GABRB2: variants seen among roughly 807,000 people sequenced by gnomAD.
The protein encoded by GABRB2 is gamma-aminobutyric acid receptor subunit beta-2.
Under a neutral mutation model 54.7 loss-of-function variants are expected in GABRB2, and 16 were observed. That is an observed-to-expected ratio of 0.29 (90% CI 0.20 to 0.44). The LOEUF (loss-of-function observed/expected upper bound fraction) is 0.44. Among genes scored for constraint, GABRB2 ranks in the 20% least tolerant of loss-of-function variants. GABRB2 has a pLI of 1.00. For synonymous variants in GABRB2, 244 were observed against 233.8 expected, an observed-to-expected ratio of 1.04 and a Z score of -0.40; for missense variants, 355 against 644.0, an observed-to-expected ratio of 0.55 and a Z score of 4.86.
chr5:161,536,046 A>T (rs775382468), intron 3 of GABRB2, among the ~76,000 whole-genome samples: 15 of 152,086 alleles, frequency 9.9e-5, no homozygotes, highest in Non-Finnish European at 2.1e-4. Context: ...CCTGATGAGG[A>T]CCTCACCAGA....
chr5:161,348,709 A>G (rs1237590631), intron 5 of GABRB2, among the ~76,000 whole-genome samples: 2 of 152,148 alleles, frequency 1.3e-5, no homozygotes, highest in Non-Finnish European at 2.9e-5. Context: ...ATTACCAAAA[A>G]GTAGCCAACT....
At chr5:161,371,904 T>A (rs1755143770) in intron 5 of GABRB2, among the ~76,000 whole-genome samples, 1 of 151,992 alleles carries the variant, frequency 6.6e-6, no homozygotes, top group South Asian at 2.1e-4. Flanking sequence ...TTTTTATTTT[T>A]ATTTTTGTAG....
chr5:161,372,083 C>A (rs901727651), intron 5 of GABRB2, among the ~76,000 whole-genome samples: 2 of 152,020 alleles, frequency 1.3e-5, no homozygotes, highest in African/African-American at 4.8e-5. Flanking sequence ...CGATTAAATC[C>A]TTTTTCATTT....
chr5:161,341,059 C>A (rs1754140686), intron 5 of GABRB2, among the ~76,000 whole-genome samples: 1 of 151,986 alleles, frequency 6.6e-6, no homozygotes, highest in African/African-American at 2.4e-5. Context: ...GTTGCTATTG[C>A]ATCATTGGTT....
chr5:161,486,851 A>G (rs894107197), intron 3 of GABRB2, among the ~76,000 whole-genome samples: 18 of 152,020 alleles, frequency 1.2e-4, no homozygotes, highest in African/African-American at 4.1e-4. Flanking sequence ...ACTACCTCAG[A>G]CAAAGAATTT....
intron 4 of GABRB2, among the ~76,000 whole-genome samples, chr5:161,449,395 G>T (rs758672764): frequency 7.9e-5 from 12 of 152,230 alleles, no homozygotes; most frequent in Non-Finnish European, 1.5e-4. Context: ...ATTTGCATTT[G>T]CTTTGAATGT....
At chr5:161,539,242 G>T (rs762305151) in intron 3 of GABRB2, among the ~76,000 whole-genome samples, 1 of 152,154 alleles carries the variant, frequency 6.6e-6, no homozygotes, top group Non-Finnish European at 1.5e-5. Context: ...TTAACAAAAA[G>T]ATTCCTGCCA....
At chr5:161,460,342 G>GTTTA (rs1758086014) in intron 3 of GABRB2, among the ~76,000 whole-genome samples, 1 of 152,056 alleles carries the variant, frequency 6.6e-6, no homozygotes, top group African/African-American at 2.4e-5. Context: ...TTCACATATA[G>GTTTA]AGGCAAATAC....
intron 3 of GABRB2, among the ~76,000 whole-genome samples, chr5:161,523,221 G>A (rs977734461): frequency 6.6e-6 from 1 of 151,430 alleles, no homozygotes; most frequent in African/African-American, 2.4e-5. Context: ...TGCTACCAAT[G>A]TTTATAAACA....
intron 7 of GABRB2, among the ~76,000 whole-genome samples, chr5:161,332,761 A>G (rs1055937437): frequency 6.6e-6 from 1 of 152,154 alleles, no homozygotes; most frequent in African/African-American, 2.4e-5. Context: ...TTGGGGGGAC[A>G]CAGTTTTCTG....
chr5:161,485,876 C>T (rs1758907934), intron 3 of GABRB2, among the ~76,000 whole-genome samples: 1 of 151,806 alleles, frequency 6.6e-6, no homozygotes, highest in South Asian at 2.1e-4. Context: ...TGGGGTGTTG[C>T]AGTGGGTGTG....
intron 4 of GABRB2, among the ~76,000 whole-genome samples, chr5:161,425,317 C>T (rs1008292436): frequency 2.0e-5 from 3 of 152,168 alleles, no homozygotes; most frequent in Non-Finnish European, 4.4e-5. Context: ...AATGAAGACT[C>T]AATAAATATG....
chr5:161,363,720 ATT>A (rs1754889785), intron 5 of GABRB2, among the ~76,000 whole-genome samples: 3 of 152,016 alleles, frequency 2.0e-5, no homozygotes, highest in Non-Finnish European at 4.4e-5. Flanking sequence ...AAAAAGAAAC[ATT>A]AGGGTTAGAA....
At chr5:161,408,769 A>G (rs1756421064) in intron 5 of GABRB2, among the ~76,000 whole-genome samples, 1 of 151,936 alleles carries the variant, frequency 6.6e-6, no homozygotes, top group South Asian at 2.1e-4. Context: ...AAAGAGAGAG[A>G]TGAGGGGAGA....
At position 161,546,576 on chromosome 5, in the gene GABRB2, C is replaced by G; in HGVS notation, c.68G>C (p.Cys23Ser). Residue 23 changes from cysteine to serine, a missense_variant, in exon 1 of 10, where the codon TGT becomes TCT. This residue lies in a region of GABRB2 where 42 missense variants were observed against 43.0 expected (regional missense o/e 0.98). Coordinates refer to ENST00000393959, the MANE Select transcript of GABRB2 (RefSeq NM_001371727.1). Reference sequence around the variant, plus strand: ...CGCTGGGCACACTTACCTCTGCGCACAGACAGCGGCGATTATTAAGGGGAA... The same window carrying G: ...CGCTGGGCACACTTACCTCTGCGCAGAGACAGCGGCGATTATTAAGGGGAA... ...WSFPLIIAAV[C>S]AQSVNDPSNM... The G allele has an allele frequency of 2.5e-6, 4 of 1,598,238 alleles. No individual in the cohort carries two copies. The highest frequency in any genetic ancestry group is 3.4e-6 in the Non-Finnish European group (4 of 1,171,520).
chr5:161,435,000 A>G (rs1288114381), intron 4 of GABRB2, among the ~76,000 whole-genome samples: 1 of 152,168 alleles, frequency 6.6e-6, no homozygotes, highest in East Asian at 1.9e-4. Flanking sequence ...TCATTATCAC[A>G]ATGCGGTGTT....
At chr5:161,389,702 C>A (rs772135497) in intron 5 of GABRB2, among the ~76,000 whole-genome samples, 2 of 151,484 alleles carry the variant, frequency 1.3e-5, no homozygotes, top group Admixed American at 6.6e-5. Flanking sequence ...CTGAGGAAAT[C>A]TTTTTTCTAA....
intron 4 of GABRB2, among the ~76,000 whole-genome samples, chr5:161,435,153 A>C (rs947835286): frequency 4.6e-5 from 7 of 152,192 alleles, no homozygotes; most frequent in African/African-American, 1.7e-4. Flanking sequence ...ACCAGTTTTG[A>C]AAAATCTAGT....
intron 3 of GABRB2, among the ~76,000 whole-genome samples, chr5:161,490,592 T>C (rs1463895797): frequency 6.6e-6 from 1 of 151,742 alleles, no homozygotes; most frequent in Non-Finnish European, 1.5e-5. Context: ...ATCATTACTG[T>C]CTACCCAGCC....
Sources: gnomAD v4.1 joint callset for allele counts (sites outside exome capture counted in the v4.1 genomes callset) on GRCh38, gnomAD v4.1.1 for gene constraint, gnomAD v4.1.1 regional missense constraint, MANE v1.5 for transcripts, NCBI Gene and HGNC (gene_info 2026-07-23, HGNC 2026-07-21) for gene names.